GCNT4: variants seen among roughly 807,000 people sequenced by gnomAD.
GCNT4 encodes the protein glucosaminyl (N-acetyl) transferase 4.
In GCNT4, 17 loss-of-function variants were observed where a neutral mutation model predicts 31.3. That is an observed-to-expected ratio of 0.54 (90% CI 0.37 to 0.81). The LOEUF (loss-of-function observed/expected upper bound fraction) is 0.81, where lower values mean the gene tolerates loss of function less well. Among genes scored for constraint, GCNT4 ranks in the 40% least tolerant of loss-of-function variants. The pLI is 0.00. For synonymous variants in GCNT4, 158 were observed against 190.6 expected, an observed-to-expected ratio of 0.83 and a Z score of 1.41; for missense variants, 503 against 525.5, an observed-to-expected ratio of 0.96 and a Z score of 0.42.
chr5:75,046,369 GAC>G (rs1193375597), intron 3 of GCNT4, among the ~76,000 whole-genome samples: 1 of 152,126 alleles, frequency 6.6e-6, no homozygotes, highest in African/African-American at 2.4e-5. Context: ...ATGCTGCAGT[GAC>G]ACAGAGAGCA....
chr5:75,026,885 G>A lies in GCNT4; in HGVS notation c.*1791C>T, dbSNP rs1347056491. ...TTTCCAAAGAATGAAGTAATTTGAA[G>A]GGGGTAAATAAAAAGGGAGAAAAAT... On this transcript the variant is annotated 3_prime_UTR_variant, in exon 4 of 4. Transcript: ENST00000652361. 6.6e-6 allele frequency: 1 copy of A among 152,050 alleles called. No individual in the cohort carries two copies. The highest frequency in any genetic ancestry group is 1.5e-5 in the Non-Finnish European group (1 of 68,008). 9.4% of individuals were successfully genotyped at this position (152,050 alleles called of 1,614,324 possible).
chr5:75,024,275 TC>T (rs1358037904), downstream of GCNT4, among the ~76,000 whole-genome samples: 2 of 152,152 alleles, frequency 1.3e-5, no homozygotes, highest in African/African-American at 2.4e-5. Flanking sequence ...CAAAAAATAG[TC>T]CCCTGTTCCT....
the GCNT4 span, among the ~76,000 whole-genome samples, chr5:75,018,664 G>C: frequency 6.6e-6 from 1 of 152,164 alleles, no homozygotes; most frequent in African/African-American, 2.4e-5. Context: ...TCTTCAGTCT[G>C]AAATACCAGT....
Position 75,029,110 on chromosome 5 carries a change from CT to C in GCNT4, c.927del (p.Ala310HisfsTer33). ...TTGTTGAAAATATATTTAACAAATG[CT>C]TGACTTAAAACAAAATAAGCACTGC... ...FVGSAYFVLS[Q>X]AFVKYIFNNS... On this transcript the variant is annotated frameshift_variant, in exon 4 of 4. Coordinates refer to ENST00000652361, the MANE Select transcript of GCNT4 (RefSeq NM_001366737.1). LOFTEE classifies it high-confidence loss of function. 1 of 1,614,094 alleles carries C rather than the reference CT, an allele frequency of 6.2e-7. No homozygotes were observed. Among genetic ancestry groups the C allele is most frequent in the South Asian group, 1.1e-5 (1 of 91,078 alleles).
chr5:75,035,841 A>G (rs1208862465), intron 3 of GCNT4, among the ~76,000 whole-genome samples: 1 of 152,208 alleles, frequency 6.6e-6, no homozygotes, highest in East Asian at 1.9e-4. Context: ...TGGCTTCTTT[A>G]AAGATCCTGC....
chr5:75,018,069 T>C, the GCNT4 span, among the ~76,000 whole-genome samples: 1 of 152,010 alleles, frequency 6.6e-6, no homozygotes, highest in Admixed American at 6.6e-5. Flanking sequence ...GACCCACAAG[T>C]AAGATTTCTA....
chr5:75,048,995 C>T (rs552931788), intron 2 of GCNT4, among the ~76,000 whole-genome samples: 215 of 152,302 alleles, frequency 1.4e-3, no homozygotes, highest in Non-Finnish European at 2.5e-3. Context: ...CTTTGAGAAC[C>T]GCTGCTCTAA....
chr5:75,045,748 G>A (rs926889353), intron 3 of GCNT4, among the ~76,000 whole-genome samples: 2 of 152,218 alleles, frequency 1.3e-5, no homozygotes, highest in Non-Finnish European at 2.9e-5. Context: ...GAGGCACTGT[G>A]TTAGATTCTG....
At chr5:75,020,894 T>A (rs1463735198), downstream of GCNT4, among the ~76,000 whole-genome samples, 1 of 152,148 alleles carries the variant, frequency 6.6e-6, no homozygotes, top group Non-Finnish European at 1.5e-5. Context: ...TTGACAATAG[T>A]GGGTCTGAGT....
chr5:75,038,800 T>C (rs980917859), intron 3 of GCNT4, among the ~76,000 whole-genome samples: 19 of 152,170 alleles, frequency 1.2e-4, no homozygotes, highest in African/African-American at 3.6e-4. Flanking sequence ...TTTCAACACA[T>C]GAATTTTGGG....
At chr5:75,018,372 C>T in the GCNT4 span, among the ~76,000 whole-genome samples, 15 of 152,282 alleles carry the variant, frequency 9.9e-5, no homozygotes, top group Non-Finnish European at 2.1e-4. Context: ...ACTTCCGCCT[C>T]GTGGGTTCAA....
At position 75,028,609 on chromosome 5, in the gene GCNT4, T is replaced by A; in HGVS notation, c.*67A>T. The stretch of plus-strand genomic sequence containing the variant: ...TGAGTTTAAACAGTATTGGGCATAG[T>A]ATGGTATTCAATTCCACACTGACTC... On this transcript the variant is annotated 3_prime_UTR_variant, in exon 4 of 4. Coordinates refer to ENST00000652361, the MANE Select transcript of GCNT4 (RefSeq NM_001366737.1). 1.4e-6 allele frequency: 2 copies of A among 1,407,564 alleles called. No individual in the cohort carries two copies. The highest frequency in any genetic ancestry group is 2.0e-6 in the Non-Finnish European group (2 of 1,025,214). 87.2% of individuals were successfully genotyped at this position (1,407,564 alleles called of 1,614,324 possible). A position where few individuals can be genotyped will look rare whatever the true frequency, so the allele number is the denominator to read the frequency against.
chr5:75,018,638 G>A, the GCNT4 span, among the ~76,000 whole-genome samples: 1 of 152,202 alleles, frequency 6.6e-6, no homozygotes, highest in African/African-American at 2.4e-5. Context: ...CTTCTGACAG[G>A]GGAAGGGGAT....
chr5:75,038,577 G>T (rs555137775), intron 3 of GCNT4, among the ~76,000 whole-genome samples: 1 of 152,338 alleles, frequency 6.6e-6, no homozygotes, highest in South Asian at 2.1e-4. Context: ...CAGATTTGGT[G>T]TCGGTGAGGG....
rs1422769522 is a variant in GCNT4, at chr5:75,026,330, C to A, written c.*2346G>T. On this transcript the variant is annotated 3_prime_UTR_variant, in exon 4 of 4. Transcript: ENST00000652361. Reference sequence around the variant, plus strand: ...TCAACAGGATTTCGTGTATTTCATCCTAGATGGTGGGAAAAGTATTTGTAG... The same window carrying A: ...TCAACAGGATTTCGTGTATTTCATCATAGATGGTGGGAAAAGTATTTGTAG... The A allele has an allele frequency of 6.6e-6, 1 of 152,072 alleles. No homozygotes were observed. The highest frequency in any genetic ancestry group is 1.5e-5 in the Non-Finnish European group (1 of 68,020). The allele number at this position is 152,072 out of a possible 1,614,324, so 9.4% of individuals were successfully genotyped here.
chr5:75,053,404 A>G (rs1449577884), upstream of GCNT4, among the ~76,000 whole-genome samples: 1 of 152,040 alleles, frequency 6.6e-6, no homozygotes. Flanking sequence ...GGAAAACGAA[A>G]GTCGTGAGGA....
intron 3 of GCNT4, among the ~76,000 whole-genome samples, chr5:75,035,191 G>C (rs957981515): frequency 6.6e-6 from 1 of 152,256 alleles, no homozygotes; most frequent in Non-Finnish European, 1.5e-5. Flanking sequence ...CCCCAGCTAG[G>C]TAGGCACGAC....
chr5:75,053,784 C>T (rs1462545428), upstream of GCNT4, among the ~76,000 whole-genome samples: 1 of 152,168 alleles, frequency 6.6e-6, no homozygotes, highest in Non-Finnish European at 1.5e-5. Flanking sequence ...CCGGGCCGCG[C>T]TTCGGACAAA....
chr5:75,042,246 G>A (rs1743337275), intron 3 of GCNT4, among the ~76,000 whole-genome samples: 2 of 152,148 alleles, frequency 1.3e-5, no homozygotes, highest in Admixed American at 1.3e-4. Flanking sequence ...AATATGGGTT[G>A]AGAATATTTT....
Sources: gnomAD v4.1 joint callset for allele counts (sites outside exome capture counted in the v4.1 genomes callset) on GRCh38, gnomAD v4.1.1 for gene constraint, MANE v1.5 for transcripts, NCBI Gene and HGNC (gene_info 2026-07-23, HGNC 2026-07-21) for gene names.